NCKAP5: variants seen among roughly 807,000 people sequenced by gnomAD.
NCKAP5 encodes nck-associated protein 5.
In NCKAP5, 92 loss-of-function variants were observed where a neutral mutation model predicts 167.0. The observed-to-expected ratio is 0.55, with a 90% confidence interval of 0.47 to 0.66. The LOEUF is 0.66. Ranked by LOEUF, NCKAP5 falls within the 30% of genes least tolerant of loss-of-function variation. The pLI is 0.00. For missense variants in NCKAP5, 2,378 were observed against 2,315.0 expected, an observed-to-expected ratio of 1.03 and a Z score of -0.56; for synonymous variants, 891 against 877.4, an observed-to-expected ratio of 1.02 and a Z score of -0.27.
At chr2:133,266,551 G>A (rs1294054587) in intron 4 of NCKAP5, 1 of 152,294 alleles carries the variant, frequency 6.6e-6, no homozygotes, top group African/African-American at 2.4e-5. Flanking sequence ...GGCTGGGGGC[G>A]GGGTGGGCGC....
intron 8 of NCKAP5, chr2:132,954,732 G>A (rs1002428934): frequency 4.5e-6 from 2 of 449,076 alleles, no homozygotes; most frequent in African/African-American, 4.0e-5. Context: ...AAATATATAT[G>A]CTGAAATGCC....
chr2:133,384,546 T>G lies in NCKAP5; in HGVS notation c.70-81436A>C, dbSNP rs139557582. Among the ~76,000 whole-genome samples, 49 of 152,320 alleles carry G rather than the reference T, an allele frequency of 3.2e-4. 1 individual carries two copies. The East Asian group carries it at 8.5e-3, about 26-fold the overall frequency. On this transcript the variant is annotated intron_variant, in intron 3 of 19. Coordinates refer to ENST00000409261, the MANE Select transcript of NCKAP5 (RefSeq NM_207363.3). The stretch of plus-strand genomic sequence containing the variant: ...ACTGACTTGGCAATGCGGGCTCTTT[T>G]TTGGTTCCATGTGAATTTTAAAGTA...
chr2:133,241,281 T>G (rs2087693357), intron 4 of NCKAP5, among the ~76,000 whole-genome samples: 1 of 152,222 alleles, frequency 6.6e-6, no homozygotes, highest in Admixed American at 6.5e-5. Flanking sequence ...TCGGCAGTGT[T>G]GCTCATCAGT....
intron 5 of NCKAP5, among the ~76,000 whole-genome samples, chr2:133,156,903 C>T (rs141334410): frequency 2.4e-4 from 36 of 152,258 alleles, no homozygotes; most frequent in African/African-American, 5.8e-4. Flanking sequence ...CAAGCTAGCA[C>T]GCCAACCTAA....
At chr2:133,250,127 A>G (rs2088233718) in intron 4 of NCKAP5, among the ~76,000 whole-genome samples, 1 of 151,898 alleles carries the variant, frequency 6.6e-6, no homozygotes. Context: ...AAGGAATGCC[A>G]GAGCACAAGG....
At chr2:133,105,114 T>A (rs898789077) in intron 6 of NCKAP5, among the ~76,000 whole-genome samples, 2 of 152,252 alleles carry the variant, frequency 1.3e-5, no homozygotes, top group Non-Finnish European at 2.9e-5. Context: ...TTGTATCTTT[T>A]ACTTCATGCC....
At chr2:132,951,408 T>C (rs1045454190) in intron 8 of NCKAP5, among the ~76,000 whole-genome samples, 2 of 152,246 alleles carry the variant, frequency 1.3e-5, no homozygotes, top group Non-Finnish European at 2.9e-5. Context: ...ACTAAGACTG[T>C]AGAGACTCTT....
intron 11 of NCKAP5, among the ~76,000 whole-genome samples, chr2:132,846,391 G>A (rs1299410361): frequency 6.6e-5 from 10 of 151,768 alleles, no homozygotes; most frequent in East Asian, 1.9e-4. Context: ...TGCAGCCTCC[G>A]TCTCCTGGGT....
At chr2:133,384,222 T>C (rs1471966967) in intron 3 of NCKAP5, among the ~76,000 whole-genome samples, 2 of 152,222 alleles carry the variant, frequency 1.3e-5, no homozygotes, top group Non-Finnish European at 2.9e-5. Flanking sequence ...CCATCTTTAA[T>C]TAATTTTTGT....
intron 16 of NCKAP5, among the ~76,000 whole-genome samples, chr2:132,773,206 G>C (rs16841087): frequency 0.19 from 28,721 of 152,202 alleles, 3,217 homozygotes; most frequent in East Asian, 0.28. Flanking sequence ...AAGGAATGCA[G>C]TCACAGGCAA....
At chr2:133,398,991 G>C (rs1687927329) in intron 3 of NCKAP5, among the ~76,000 whole-genome samples, 1 of 152,170 alleles carries the variant, frequency 6.6e-6, no homozygotes, top group South Asian at 2.1e-4. Flanking sequence ...GAAAGCAATG[G>C]AGATGAAAAA....
intron 8 of NCKAP5, among the ~76,000 whole-genome samples, chr2:132,937,835 A>G (rs1696973538): frequency 6.6e-6 from 1 of 152,188 alleles, no homozygotes. Flanking sequence ...CAAAGTAACT[A>G]CTCTCTAGGG....
At chr2:133,525,701 T>C (rs1684816767) in intron 2 of NCKAP5, among the ~76,000 whole-genome samples, 1 of 152,178 alleles carries the variant, frequency 6.6e-6, no homozygotes, top group African/African-American at 2.4e-5. Context: ...CTAATACCAA[T>C]ATTTATTCAT....
At chr2:133,245,451 C>A (rs954802422) in intron 4 of NCKAP5, among the ~76,000 whole-genome samples, 2 of 151,984 alleles carry the variant, frequency 1.3e-5, no homozygotes, top group South Asian at 2.1e-4. Flanking sequence ...TGGGGAAAAA[C>A]CAATTTATGG....
chr2:132,973,595 C>T (rs1461410415), intron 7 of NCKAP5, among the ~76,000 whole-genome samples: 3 of 152,104 alleles, frequency 2.0e-5, no homozygotes, highest in Non-Finnish European at 4.4e-5. Context: ...TAAAACACTG[C>T]TGAAGTTCAG....
At chr2:133,449,160 A>G (rs978941963) in intron 3 of NCKAP5, among the ~76,000 whole-genome samples, 13 of 152,214 alleles carry the variant, frequency 8.5e-5, no homozygotes, top group Non-Finnish European at 2.9e-5. Flanking sequence ...TTTTAGATTC[A>G]CTTTACATTC....
chr2:133,517,768 T>C (rs150556709), intron 2 of NCKAP5, among the ~76,000 whole-genome samples, 181 bp from the exon 3 acceptor site: 52 of 152,348 alleles, frequency 3.4e-4, no homozygotes, highest in African/African-American at 1.2e-3. Context: ...GAGTTGTCTT[T>C]ATGGCGGCCC....
chr2:133,328,918 C>G (rs996141979), intron 3 of NCKAP5, among the ~76,000 whole-genome samples: 1 of 151,958 alleles, frequency 6.6e-6, no homozygotes, highest in African/African-American at 2.4e-5. Context: ...CTAGGGTGTC[C>G]ATAATCTTAG....
At chr2:133,419,998 T>C (rs981293552) in intron 3 of NCKAP5, among the ~76,000 whole-genome samples, 5 of 152,200 alleles carry the variant, frequency 3.3e-5, no homozygotes, top group African/African-American at 9.6e-5. Context: ...TGAAGGAAAG[T>C]GATGACCATG....
Sources: allele counts gnomAD v4.1 joint callset (sites outside exome capture counted in the v4.1 genomes callset), GRCh38; gene constraint gnomAD v4.1.1; transcripts MANE v1.5; gene names NCBI Gene and HGNC (gene_info 2026-07-23, HGNC 2026-07-21).